SFI1: variants seen among roughly 807,000 people sequenced by gnomAD.
The protein encoded by SFI1 is protein SFI1 homolog.
Under a neutral mutation model 207.5 loss-of-function variants are expected in SFI1, and 195 were observed. That is an observed-to-expected ratio of 0.94 (90% CI 0.84 to 1.06). The LOEUF (loss-of-function observed/expected upper bound fraction) is 1.06. SFI1 is among the 50% of genes least tolerant of loss of function. SFI1 has a pLI of 0.00. For missense variants in SFI1, 1,634 were observed against 1,588.0 expected, an observed-to-expected ratio of 1.03 and a Z score of -0.49; for synonymous variants, 630 against 598.9, an observed-to-expected ratio of 1.05 and a Z score of -0.76.
chr22:31,617,272 C>T (rs2071762218), intron 31 of SFI1, among the ~76,000 whole-genome samples, 194 bp downstream of exon 31: 1 of 152,122 alleles, frequency 6.6e-6, no homozygotes, highest in African/African-American at 2.4e-5. Flanking sequence ...GGCTCTCTAC[C>T]CGGCTCAGTG....
chr22:31,560,378 A>G (rs1485899552), intron 7 of SFI1, among the ~76,000 whole-genome samples: 1 of 146,374 alleles, frequency 6.8e-6, no homozygotes, highest in African/African-American at 2.5e-5. Flanking sequence ...AAATCTCCTG[A>G]TTTTCAAATG....
In SFI1 at chr22:31,615,162, TG is replaced by T; in HGVS notation, c.3187del (p.Ala1063ProfsTer124). 6.2e-7 allele frequency: 1 copy of T among 1,605,828 alleles called. No individual in the cohort carries two copies. The highest frequency in any genetic ancestry group is 1.7e-5 in the Admixed American group (1 of 58,688). Reference sequence around the variant, plus strand: ...CACTGGTCCCACACAGCCCCCTGCCTGGGGCCCTGTCAAGCGCCCCTGGCCC... The same window carrying T: ...CACTGGTCCCACACAGCCCCCTGCCTGGGCCCTGTCAAGCGCCCCTGGCCC... ...TALVPHSPLPGALSSAPGPKQ... is the reference protein window; with the variant it reads ...TALVPHSPLPXALSSAPGPKQ... On this transcript the variant is annotated frameshift_variant, in exon 29 of 33. Transcript: ENST00000400288. LOFTEE classifies it high-confidence loss of function.
chr22:31,604,548 G>T, intron 19 of SFI1, 144 bp downstream of exon 19: 2 of 710,892 alleles, frequency 2.8e-6, no homozygotes, highest in Non-Finnish European at 4.5e-6. Context: ...CCCGGACAGC[G>T]GGCCTTAGGC....
intron 4 of SFI1, among the ~76,000 whole-genome samples, chr22:31,534,982 T>G (rs552779157): frequency 6.6e-6 from 1 of 151,480 alleles, no homozygotes; most frequent in South Asian, 2.1e-4. Context: ...CAAGCAATTC[T>G]TCTACCTCAG....
At chr22:31,562,420 G>A (rs1055311480) in intron 8 of SFI1, among the ~76,000 whole-genome samples, 7 of 145,270 alleles carry the variant, frequency 4.8e-5, no homozygotes, top group Non-Finnish European at 3.0e-5. Context: ...CTGAGTGACT[G>A]AGTTGGGGCC....
intron 8 of SFI1, among the ~76,000 whole-genome samples, chr22:31,567,169 T>C (rs941338992): frequency 1.7e-4 from 26 of 152,264 alleles, no homozygotes; most frequent in Non-Finnish European, 2.4e-4. Flanking sequence ...CCTCCCAAAG[T>C]GTTGGGATTA....
At chr22:31,555,402 G>T (rs1293042829) in intron 6 of SFI1, among the ~76,000 whole-genome samples, 1 of 152,122 alleles carries the variant, frequency 6.6e-6, no homozygotes, top group East Asian at 1.9e-4. Flanking sequence ...AGTTATTTCT[G>T]ACATAAGACA....
At chr22:31,584,269 C>T (rs556000832) in intron 13 of SFI1, among the ~76,000 whole-genome samples, 1 of 152,268 alleles carries the variant, frequency 6.6e-6, no homozygotes, top group South Asian at 2.1e-4. Flanking sequence ...AGAATTCATG[C>T]ATTGCTAGTG....
rs372720690 is a variant in SFI1 at position 31,611,823 on chromosome 22, C to G, written c.2473C>G (p.Arg825Gly). 79 of 1,613,956 alleles carry G rather than the reference C, an allele frequency of 4.9e-5. 1 individual carries two copies. The South Asian group carries it at 8.2e-4, about 17-fold the overall frequency. Residue 825 changes from arginine (R) to glycine (G), a missense_variant, in exon 24 of 33, where the codon CGC becomes GGC. Physicochemically the swap from Arg to Gly is moderately radical, Grantham distance 125. Transcript: ENST00000400288. ...LAQRLSRTCF[R>G]QWRQQLAARR... is the part of the protein sequence containing the mutation. ...ACAGAGACTCAGCCGGACCTGCTTCCGCCAGTGGAGACAACAGGTGGGAAC... is the reference window on the plus strand; with the variant it reads ...ACAGAGACTCAGCCGGACCTGCTTCGGCCAGTGGAGACAACAGGTGGGAAC...
At chr22:31,582,726 C>A (rs1481069041) in intron 12 of SFI1, among the ~76,000 whole-genome samples, 1 of 152,044 alleles carries the variant, frequency 6.6e-6, no homozygotes, top group Non-Finnish European at 1.5e-5. Flanking sequence ...TTCCTCTTTC[C>A]TCAGCCCCTG....
intron 21 of SFI1, 122 bp from the exon 22 acceptor site, chr22:31,607,815 G>A: frequency 1.3e-6 from 1 of 744,214 alleles, no homozygotes; most frequent in Non-Finnish European, 2.3e-6. Flanking sequence ...CCTGGACCGT[G>A]TGTGAGAAGC....
intron 7 of SFI1, among the ~76,000 whole-genome samples, chr22:31,559,331 G>A (rs907091678): frequency 5.9e-5 from 9 of 152,126 alleles, no homozygotes; most frequent in Non-Finnish European, 1.3e-4. Context: ...GCTGAGGCAT[G>A]AGAACCGCTT....
chr22:31,510,236 C>T (rs1319646080), intron 2 of SFI1, among the ~76,000 whole-genome samples: 1 of 151,902 alleles, frequency 6.6e-6, no homozygotes, highest in African/African-American at 2.4e-5. Flanking sequence ...GCTCTGTTGC[C>T]TGGGCTGGAG....
chr22:31,505,441 A>T (rs543783004), intron 1 of SFI1, among the ~76,000 whole-genome samples: 1 of 139,142 alleles, frequency 7.2e-6, no homozygotes, highest in South Asian at 2.3e-4. Context: ...TGTCTCGGAA[A>T]AAAAGAAAAA....
In SFI1 at chr22:31,613,426, G is replaced by T; in HGVS notation, c.2638G>T (p.Ala880Ser). 1 of 1,609,844 alleles carries T rather than the reference G, an allele frequency of 6.2e-7. No individual in the cohort carries two copies. Residue 880 changes from alanine (A) to serine (S), a missense_variant, in exon 26 of 33, where the codon GCC becomes TCC. Transcript: ENST00000400288. ...KKARLQWALQAYQGQLLQEGA... is the reference protein window; with the variant it reads ...KKARLQWALQSYQGQLLQEGA... ...GGCGCGGCTGCAGTGGGCGCTCCAGGCCTACCAGGGGCAGCTCCTCCAGGA... is the reference window on the plus strand; with the variant it reads ...GGCGCGGCTGCAGTGGGCGCTCCAGTCCTACCAGGGGCAGCTCCTCCAGGA...
At chr22:31,593,056 G>T (rs1484694490) in intron 15 of SFI1, among the ~76,000 whole-genome samples, 1 of 133,618 alleles carries the variant, frequency 7.5e-6, no homozygotes, top group Non-Finnish European at 1.6e-5. Flanking sequence ...CCTCCCTCCC[G>T]GACGGCACGG....
At chr22:31,537,943 C>T (rs1186884341) in intron 4 of SFI1, among the ~76,000 whole-genome samples, 1 of 151,976 alleles carries the variant, frequency 6.6e-6, no homozygotes, top group Non-Finnish European at 1.5e-5. Context: ...CCTTTATGTG[C>T]TTAGATAATG....
intron 2 of SFI1, among the ~76,000 whole-genome samples, chr22:31,520,493 CAATT>C (rs1264700770): frequency 6.6e-6 from 1 of 152,064 alleles, no homozygotes; most frequent in Non-Finnish European, 1.5e-5. Flanking sequence ...ACATACTACA[CAATT>C]CATTCATTTC....
intron 6 of SFI1, among the ~76,000 whole-genome samples, chr22:31,553,690 A>G (rs1344326067): frequency 6.6e-6 from 1 of 150,774 alleles, no homozygotes; most frequent in Non-Finnish European, 1.5e-5. Flanking sequence ...TAAAATATGT[A>G]TTCTGTTATA....
Sources: allele counts gnomAD v4.1 joint callset (sites outside exome capture counted in the v4.1 genomes callset), GRCh38; gene constraint gnomAD v4.1.1; transcripts MANE v1.5; gene names NCBI Gene and HGNC (gene_info 2026-07-23, HGNC 2026-07-21).